ULK4: variants seen among roughly 807,000 people sequenced by gnomAD.
The protein encoded by ULK4 is unc-51 like kinase 4.
A neutral mutation model predicts 160.6 loss-of-function variants in ULK4; 133 were observed. That is an observed-to-expected ratio of 0.83 (90% CI 0.72 to 0.96). The LOEUF (loss-of-function observed/expected upper bound fraction) is 0.96. Among genes scored for constraint, ULK4 ranks in the 40% least tolerant of loss-of-function variants. ULK4 has a pLI of 0.00. For missense variants in ULK4, 1,580 were observed against 1,499.5 expected (o/e 1.05, Z -0.89); for synonymous variants, 534 against 539.8 (o/e 0.99, Z 0.15).
At chr3:41,881,740 C>G (rs1697529934) in intron 17 of ULK4, among the ~76,000 whole-genome samples, 1 of 151,982 alleles carries the variant, frequency 6.6e-6, no homozygotes, top group Non-Finnish European at 1.5e-5. Context: ...GCATTTCGAA[C>G]TAATAAAGCA....
At chr3:41,267,208 C>G (rs922304550) in intron 35 of ULK4, among the ~76,000 whole-genome samples, 3 of 152,072 alleles carry the variant, frequency 2.0e-5, no homozygotes, top group South Asian at 2.1e-4. Context: ...GTTCCCCTCT[C>G]TGTGTCCATG....
At chr3:41,381,662 G>A (rs1385449854) in intron 35 of ULK4, among the ~76,000 whole-genome samples, 1 of 152,088 alleles carries the variant, frequency 6.6e-6, no homozygotes, top group East Asian at 1.9e-4. Context: ...CCCCCTCCAA[G>A]TCATGATCAG....
intron 32 of ULK4, among the ~76,000 whole-genome samples, chr3:41,511,671 TCCAG>T: frequency 6.6e-6 from 1 of 151,814 alleles, no homozygotes; most frequent in African/African-American, 2.4e-5. Context: ...CAAAAAAAAG[TCCAG>T]TACCAGACAG....
At chr3:41,561,033 G>A (rs1050679467) in intron 32 of ULK4, among the ~76,000 whole-genome samples, 2 of 152,242 alleles carry the variant, frequency 1.3e-5, no homozygotes, top group Non-Finnish European at 2.9e-5. Context: ...TTTGAGATAC[G>A]TTCCTTCAAT....
chr3:41,859,449 A>G (rs2042445685), intron 17 of ULK4: 2 of 556,240 alleles, frequency 3.6e-6, no homozygotes, highest in African/African-American at 1.9e-5. Flanking sequence ...GCCAAAAGAG[A>G]TAGCAGAAAC....
At position 41,455,611 on chromosome 3, in the gene ULK4, G is replaced by C; in HGVS notation, c.3394-16C>G. On this transcript the variant is annotated splice_polypyrimidine_tract_variant and intron_variant, in intron 33 of 36. Coordinates refer to ENST00000301831, the MANE Select transcript of ULK4 (RefSeq NM_017886.4). ...ACTTCTGGGCCTGGAACAGAGAGAA[G>C]AGAAATGAAAGACGGTCTTGGTGAT... 1 of 1,612,886 alleles carries C rather than the reference G, an allele frequency of 6.2e-7. No homozygotes were observed. Among genetic ancestry groups the C allele is most frequent in the Non-Finnish European group, 8.5e-7 (1 of 1,179,518 alleles).
rs568152234 is a variant in ULK4, at chr3:41,460,032, C to T, written c.3393+3055G>A. ...GAGGGTAGTTTATGGTGAAGGCCAA[C>T]GAGGGGAAGGCCGTGAAGGAATCAA... is the stretch of plus-strand genomic sequence containing the variant. On this transcript the variant is annotated intron_variant, in intron 33 of 36. Transcript: ENST00000301831. 9.4e-4 allele frequency among the ~76,000 whole-genome samples: 143 copies of T among 152,168 alleles called. 2 individuals carry two copies. The highest frequency in any genetic ancestry group is 5.1e-3 in the Admixed American group (78 of 15,284).
chr3:41,484,112 A>G (rs2084421965), intron 32 of ULK4, among the ~76,000 whole-genome samples: 1 of 152,208 alleles, frequency 6.6e-6, no homozygotes, highest in South Asian at 2.1e-4. Flanking sequence ...GTCTTTACCA[A>G]GAAGTCTTCA....
chr3:41,728,997 A>G (rs1003820552), intron 22 of ULK4, among the ~76,000 whole-genome samples: 5 of 152,210 alleles, frequency 3.3e-5, no homozygotes, highest in African/African-American at 1.2e-4. Flanking sequence ...AAGATGGCTG[A>G]CTGAAGGTGC....
chr3:41,500,865 T>C (rs2085179039), intron 32 of ULK4, among the ~76,000 whole-genome samples: 4 of 152,206 alleles, frequency 2.6e-5, no homozygotes, highest in Admixed American at 2.6e-4. Flanking sequence ...TTGTGTGCCT[T>C]CTGGGTTTTC....
chr3:41,352,929 A>T (rs1417235581), intron 35 of ULK4, among the ~76,000 whole-genome samples: 3 of 152,222 alleles, frequency 2.0e-5, no homozygotes, highest in African/African-American at 7.2e-5. Context: ...AAAAGAGAGC[A>T]GTACCATCTT....
At chr3:41,851,840 G>C (rs2042222790) in intron 17 of ULK4, among the ~76,000 whole-genome samples, 1 of 152,104 alleles carries the variant, frequency 6.6e-6, no homozygotes, top group African/African-American at 2.4e-5. Context: ...AAAAGAACTA[G>C]AGAAGCAAGA....
intron 18 of ULK4, among the ~76,000 whole-genome samples, chr3:41,834,552 C>T (rs1167489782): frequency 1.3e-5 from 2 of 152,158 alleles, no homozygotes; most frequent in Non-Finnish European, 2.9e-5. Context: ...CTCACAAAAA[C>T]AAAGAATGAA....
intron 32 of ULK4, among the ~76,000 whole-genome samples, chr3:41,557,751 G>T (rs1691996): frequency 0.49 from 74,568 of 151,414 alleles, 18,588 homozygotes; most frequent in Middle Eastern, 0.59. Context: ...GGTAACACAA[G>T]GAGACTCTGT....
At chr3:41,486,066 T>G (rs1214021567) in intron 32 of ULK4, among the ~76,000 whole-genome samples, 2 of 152,226 alleles carry the variant, frequency 1.3e-5, no homozygotes, top group East Asian at 3.9e-4. Flanking sequence ...GTTTCCTCCC[T>G]GAACATTCCT....
chr3:41,573,709 AT>A (rs771942287), intron 31 of ULK4, among the ~76,000 whole-genome samples: 37 of 152,176 alleles, frequency 2.4e-4, no homozygotes, highest in African/African-American at 3.4e-4. Context: ...CTTAAACTAC[AT>A]TTCAGAAAAC....
At chr3:41,636,015 A>G (rs545471184) in intron 30 of ULK4, among the ~76,000 whole-genome samples, 1 of 152,338 alleles carries the variant, frequency 6.6e-6, no homozygotes, top group East Asian at 1.9e-4. Context: ...ACTCCTAGAC[A>G]TAGAAAACAA....
At chr3:41,362,219 C>T (rs2081160445) in intron 35 of ULK4, among the ~76,000 whole-genome samples, 1 of 152,140 alleles carries the variant, frequency 6.6e-6, no homozygotes, top group African/African-American at 2.4e-5. Context: ...AAAAATGCAA[C>T]TTCTCCAGTG....
chr3:41,674,914 C>A (rs1049197061), intron 29 of ULK4, among the ~76,000 whole-genome samples: 2 of 152,120 alleles, frequency 1.3e-5, no homozygotes, highest in Admixed American at 6.6e-5. Context: ...AGTCATAACA[C>A]CCAAAACACA....
Sources: gnomAD v4.1 joint callset for allele counts (sites outside exome capture counted in the v4.1 genomes callset) on GRCh38, gnomAD v4.1.1 for gene constraint, MANE v1.5 for transcripts, NCBI Gene and HGNC (gene_info 2026-07-23, HGNC 2026-07-21) for gene names.